ENPP2: variants seen among roughly 807,000 people sequenced by gnomAD.
ENPP2 encodes autotaxin.
Under a neutral mutation model 120.2 loss-of-function variants are expected in ENPP2, and 51 were observed. The ratio of observed to expected loss-of-function variants is 0.42; its 90% CI spans 0.34 to 0.54. The LOEUF is 0.54. Among genes scored for constraint, ENPP2 ranks in the 20% least tolerant of loss-of-function variants. The pLI, the probability that ENPP2 is intolerant of heterozygous loss-of-function variation, is 0.04. For synonymous variants in ENPP2, 365 were observed against 366.4 expected (o/e 1.00, Z 0.04); for missense variants, 920 against 1,066.5 (o/e 0.86, Z 1.91).
At position 119,562,988 on chromosome 8, in the gene ENPP2, C is replaced by G. The variant is rs779696830; in HGVS notation, c.2290G>C (p.Val764Leu). 6.2e-7 allele frequency: 1 copy of G among 1,613,910 alleles called. No homozygotes were observed. Among genetic ancestry groups the G allele is most frequent in the East Asian group, 2.2e-5 (1 of 44,870 alleles). The change falls in exon 24 of 25, where the codon GTT becomes CTT. Residue 764 changes from valine (V) to leucine (L), a missense_variant. Transcript: ENST00000075322. ...ATGATGCTGTAGTAGTGAGTTGGAA[C>G]AGGAATGGAACTGCCTTCCACGTAC... The part of the protein sequence containing the change: ...KQYVEGSSIP[V>L]PTHYYSIITS...
At chr8:119,604,012 C>CTCTTTTT (rs1563722581) in intron 9 of ENPP2, among the ~76,000 whole-genome samples, 1 of 136,600 alleles carries the variant, frequency 7.3e-6, no homozygotes, top group Non-Finnish European at 1.6e-5. Flanking sequence ...CAATCTCTCT[C>CTCTTTTT]TTTTTTTTTT....
chr8:119,627,535 A>G (rs933691505), intron 2 of ENPP2, among the ~76,000 whole-genome samples: 3 of 151,366 alleles, frequency 2.0e-5, no homozygotes, highest in Non-Finnish European at 4.4e-5. Context: ...ACCAACATAC[A>G]TGAGAAAAGT....
chr8:119,582,260 T>C (rs67526114), intron 18 of ENPP2, among the ~76,000 whole-genome samples, 158 bp downstream of exon 18: 39,778 of 152,158 alleles, frequency 0.26, 6,759 homozygotes, highest in African/African-American at 0.49. Flanking sequence ...TATAAAGTAA[T>C]GAAATAAAAA....
intron 15 of ENPP2, 73 bp from the exon 16 acceptor site, chr8:119,584,122 T>A (rs976770165): frequency 1.0e-6 from 1 of 987,232 alleles, no homozygotes; most frequent in Non-Finnish European, 1.6e-6. Flanking sequence ...AATTTCAGGG[T>A]ACAAAGAATA....
rs1452094195 is a variant in ENPP2 at position 119,621,420 on chromosome 8, C to T, written c.392G>A (p.Cys131Tyr). The T allele has an allele frequency of 6.2e-7, 1 of 1,613,438 alleles. No homozygotes were observed. Among genetic ancestry groups the T allele is most frequent in the South Asian group, 1.1e-5 (1 of 91,072 alleles). The change falls in exon 4 of 25, where the codon TGT becomes TAT. Residue 131 changes from cysteine to tyrosine, a missense_variant. Cys to Tyr is a radical substitution (Grantham distance 194). Transcript: ENST00000075322. ...SEDCLARGDC[C>Y]TNYQVVCKGE... ...TTTGCAAACCACTTGGTAATTGGTACAGCAGTCTCCCCTGGCCAAGCAGTC... is the reference window on the plus strand; with the variant it reads ...TTTGCAAACCACTTGGTAATTGGTATAGCAGTCTCCCCTGGCCAAGCAGTC...
chr8:119,613,768 ATATT>A (rs1296037745), intron 8 of ENPP2, among the ~76,000 whole-genome samples: 1 of 152,106 alleles, frequency 6.6e-6, no homozygotes, highest in Non-Finnish European at 1.5e-5. Context: ...ATAATTGTGC[ATATT>A]TATGGGATAC....
At chr8:119,652,410 T>C (rs2130876793) in intron 1 of ENPP2, among the ~76,000 whole-genome samples, 1 of 152,326 alleles carries the variant, frequency 6.6e-6, no homozygotes, top group South Asian at 2.1e-4. Context: ...GAGAATTGGC[T>C]CCCTCAATCT....
intron 11 of ENPP2, among the ~76,000 whole-genome samples, chr8:119,594,299 T>G (rs1175975633): frequency 6.6e-6 from 1 of 152,176 alleles, no homozygotes; most frequent in African/African-American, 2.4e-5. Flanking sequence ...ATCACAACGT[T>G]GCACTGGATA....
chr8:119,597,718 G>A lies in ENPP2; in HGVS notation c.972+2960C>T, dbSNP rs537620230. On this transcript the variant is annotated intron_variant, in intron 11 of 24. Coordinates refer to ENST00000075322, the MANE Select transcript of ENPP2 (RefSeq NM_001040092.3). ...AGAAGGTCAAAAAGAAAAAGATTGC[G>A]CCAATAATCAAAAGCAAGCATATTT... 7.5e-4 allele frequency among the ~76,000 whole-genome samples: 114 copies of A among 152,158 alleles called. 1 individual carries two copies. The highest frequency in any genetic ancestry group is 2.3e-3 in the African/African-American group (97 of 41,504).
At chr8:119,571,389 G>C (rs1046987056) in intron 19 of ENPP2, 4 of 152,136 alleles carry the variant, frequency 2.6e-5, no homozygotes, top group Non-Finnish European at 4.4e-5. Context: ...GAACTTAAAG[G>C]AACATGTATA....
intron 19 of ENPP2, 99 bp downstream of exon 19, chr8:119,580,017 T>G: frequency 4.8e-6 from 4 of 828,830 alleles, no homozygotes; most frequent in Non-Finnish European, 8.2e-6. Flanking sequence ...ATTCTAATTT[T>G]AAACAATATT....
rs572141352 is a variant in ENPP2 at position 119,596,874 on chromosome 8, G to A, written c.973-3014C>T. On this transcript the variant is annotated intron_variant, in intron 11 of 24. Transcript: ENST00000075322. ...GAGCAGTGAAGTTGACACATAAACT[G>A]AAGATAACCTTTTGGGATTTCCAAA... Among the ~76,000 whole-genome samples, 221 of 152,240 alleles carry A rather than the reference G, an allele frequency of 1.5e-3. 1 individual carries two copies. Among genetic ancestry groups the A allele is most frequent in the Non-Finnish European group, 2.7e-3 (182 of 68,020 alleles).
chr8:119,557,772 A>T, intron 24 of ENPP2, 81 bp from the exon 25 acceptor site: 1 of 1,248,980 alleles, frequency 8.0e-7, no homozygotes, highest in East Asian at 2.4e-5. Flanking sequence ...CCAAGTCCAC[A>T]AATGACCTCT....
At chr8:119,638,273 T>C (rs966704995) in intron 2 of ENPP2, 152 bp downstream of exon 2, 14 of 565,426 alleles carry the variant, frequency 2.5e-5, no homozygotes, top group Non-Finnish European at 4.1e-5. Context: ...ACCTGAATTA[T>C]ACACATAGGT....
chr8:119,569,274 T>A lies in ENPP2; in HGVS notation c.2014A>T (p.Asn672Tyr). The change falls in exon 21 of 25, where the codon AAT becomes TAT. Residue 672 changes from asparagine (N) to tyrosine (Y), a missense_variant. Coordinates refer to ENST00000075322, the MANE Select transcript of ENPP2 (RefSeq NM_001040092.3). ...SFSQNCLAYK[N>Y]DKQMSYGFLF... ...AATCCGTAGGACATCTGCTTATCAT[T>A]TTTGTAGGCCAAACAGTTCTGACTG... 1 of 1,614,094 alleles carries A rather than the reference T, an allele frequency of 6.2e-7. No individual in the cohort carries two copies. The highest frequency in any genetic ancestry group is 8.5e-7 in the Non-Finnish European group (1 of 1,180,002).
At chr8:119,652,864 C>G (rs1044905856) in intron 1 of ENPP2, among the ~76,000 whole-genome samples, 11 of 152,190 alleles carry the variant, frequency 7.2e-5, no homozygotes, top group African/African-American at 2.4e-4. Context: ...ACAGCCAGAT[C>G]TATCTATCTG....
intron 15 of ENPP2, among the ~76,000 whole-genome samples, chr8:119,584,616 T>A (rs542544558): frequency 6.6e-6 from 1 of 152,322 alleles, no homozygotes; most frequent in African/African-American, 2.4e-5. Context: ...AGAGTACAAC[T>A]AAGCAGCCAA....
chr8:119,617,416 G>T, intron 6 of ENPP2, 50 bp downstream of exon 6: 1 of 1,321,648 alleles, frequency 7.6e-7, no homozygotes, highest in Non-Finnish European at 1.1e-6. Flanking sequence ...ACTGGTTAGT[G>T]TGGAGATCCT....
chr8:119,566,567 G>A (rs1271883156), intron 22 of ENPP2, among the ~76,000 whole-genome samples: 2 of 152,208 alleles, frequency 1.3e-5, no homozygotes, highest in Admixed American at 1.3e-4. Flanking sequence ...GAGAGGAAGA[G>A]AAGGAAAGAA....
Sources: allele counts gnomAD v4.1 joint callset (sites outside exome capture counted in the v4.1 genomes callset), GRCh38; gene constraint gnomAD v4.1.1; transcripts MANE v1.5; gene names NCBI Gene and HGNC (gene_info 2026-07-23, HGNC 2026-07-21).